The following GPN1 variants were observed in gnomAD, a reference collection of about 807,000 sequenced individuals.
The protein encoded by GPN1 is ATP(GTP)-binding protein.
Under a neutral mutation model 55.9 loss-of-function variants are expected in GPN1, and 44 were observed. The ratio of observed to expected loss-of-function variants is 0.79; its 90% CI spans 0.62 to 1.01. GPN1 has a LOEUF of 1.01. GPN1 is among the 50% of genes least tolerant of loss of function. The pLI is 0.00. For synonymous variants in GPN1, 179 were observed against 162.5 expected (o/e 1.10, Z -0.77); for missense variants, 466 against 462.8 (o/e 1.01, Z -0.06).
chr2:27,648,857 G>A (rs942542605), intron 13 of GPN1, among the ~76,000 whole-genome samples: 2 of 151,676 alleles, frequency 1.3e-5, no homozygotes, highest in Non-Finnish European at 2.9e-5. Flanking sequence ...GGCTGGTCTC[G>A]AACTCCTGGC....
intron 1 of GPN1, chr2:27,629,520 C>A: frequency 3.3e-6 from 3 of 918,398 alleles, no homozygotes; most frequent in East Asian, 2.6e-5. Context: ...ATATTTCTTG[C>A]ACGCCTGTCA....
chr2:27,644,083 G>GA (rs1238481662), intron 12 of GPN1, among the ~76,000 whole-genome samples: 1 of 152,132 alleles, frequency 6.6e-6, no homozygotes, highest in Non-Finnish European at 1.5e-5. Context: ...GCTGAGGCTG[G>GA]AGAGTCTCTT....
At chr2:27,644,384 C>T (rs899122222) in intron 12 of GPN1, among the ~76,000 whole-genome samples, 1 of 152,098 alleles carries the variant, frequency 6.6e-6, no homozygotes, top group Non-Finnish European at 1.5e-5. Flanking sequence ...TTCTCCCTAT[C>T]AGTTATCCTT....
At chr2:27,634,468 C>A (rs776713691) in intron 5 of GPN1, among the ~76,000 whole-genome samples, 1 of 152,230 alleles carries the variant, frequency 6.6e-6, no homozygotes, top group Non-Finnish European at 1.5e-5. Flanking sequence ...TCAGCTAGCA[C>A]TTTCCCATTC....
Position 27,650,374 on chromosome 2 carries a change from A to C in GPN1, c.*174A>C, listed in dbSNP as rs147238088. ...ACTCAGATGAAGTCAGGGATAGAAG[A>C]CCCTTGGACCTGGCAGGTTAATGCT... On this transcript the variant is annotated 3_prime_UTR_variant, in exon 14 of 14. Transcript: ENST00000610189. 31 of 476,248 alleles carry C rather than the reference A, an allele frequency of 6.5e-5. No homozygotes were observed. In the East Asian group the frequency reaches 9.9e-4, roughly 15 times the overall value. The allele number at this position is 476,248 out of a possible 1,614,324, so 29.5% of individuals were successfully genotyped here. A position where few individuals can be genotyped will look rare whatever the true frequency, so the allele number is the denominator to read the frequency against.
chr2:27,633,512 A>G (rs961580086), intron 5 of GPN1, among the ~76,000 whole-genome samples: 9 of 151,942 alleles, frequency 5.9e-5, no homozygotes, highest in Non-Finnish European at 7.4e-5. Context: ...GTCTCGCTCT[A>G]TTGCCTAGGC....
rs1193244993 is a variant in GPN1 at position 27,643,098 on chromosome 2, G to A, written c.931+579G>A. 2.0e-5 allele frequency among the ~76,000 whole-genome samples: 3 copies of A among 150,158 alleles called. No homozygotes were observed. The highest frequency in any genetic ancestry group is 4.4e-5 in the Non-Finnish European group (3 of 67,596). ...TGGGTTCCTCTTTCAGGAAGTTTTT[G>A]CTTTACTTTGGCAATATACTTGATG... is the stretch of plus-strand genomic sequence containing the variant. On this transcript the variant is annotated intron_variant, in intron 12 of 13. Coordinates refer to ENST00000610189, the MANE Select transcript of GPN1 (RefSeq NM_007266.4). The surrounding 1 kb of genome is among the most constrained non-coding windows in gnomAD (Gnocchi z 4.0).
intron 7 of GPN1, among the ~76,000 whole-genome samples, chr2:27,636,933 G>A (rs886090419): frequency 2.6e-5 from 4 of 151,920 alleles, no homozygotes; most frequent in Non-Finnish European, 5.9e-5. Context: ...TCCTCCCAGC[G>A]TGGCCTCCCA....
intron 3 of GPN1, chr2:27,631,362 T>G: frequency 2.1e-6 from 1 of 473,594 alleles, no homozygotes; most frequent in Non-Finnish European, 3.8e-6. Context: ...CATCTGTTGG[T>G]CACCACCTCT....
At chr2:27,639,152 C>A in intron 9 of GPN1, 121 bp downstream of exon 9, 1 of 753,692 alleles carries the variant, frequency 1.3e-6, no homozygotes, top group Non-Finnish European at 2.2e-6. Flanking sequence ...ACTTTTAAAG[C>A]ATTGCTTATT....
intron 8 of GPN1, among the ~76,000 whole-genome samples, chr2:27,638,510 A>C (rs1363963611): frequency 1.3e-5 from 2 of 152,206 alleles, no homozygotes; most frequent in Non-Finnish European, 2.9e-5. Flanking sequence ...CTCAGAGTCA[A>C]GATTGTGTAA....
chr2:27,647,116 GC>G (rs979455165), intron 12 of GPN1, among the ~76,000 whole-genome samples: 18 of 152,102 alleles, frequency 1.2e-4, no homozygotes, highest in Admixed American at 1.2e-3. Context: ...CCTTTTTCAG[GC>G]CCACAGGCCC....
In GPN1 at chr2:27,643,529, T is replaced by C. The variant is rs990613542; in HGVS notation, c.931+1010T>C. ...TAATACTATAATATTAGCTAACATA[T>C]AGATCTTATTCAGATGTAGCCATTT... On this transcript the variant is annotated intron_variant, in intron 12 of 13. Transcript: ENST00000610189. This position sits in a 1 kb window ranked among gnomAD's most constrained non-coding sequence, Gnocchi z 4.0. Among the ~76,000 whole-genome samples, 4 of 152,186 alleles carry C rather than the reference T, an allele frequency of 2.6e-5. No individual in the cohort carries two copies. Among genetic ancestry groups the C allele is most frequent in the African/African-American group, 7.2e-5 (3 of 41,440 alleles).
At chr2:27,635,298 C>CACTTTTTT in intron 7 of GPN1, 64 bp downstream of exon 7, 9 of 445,274 alleles carry the variant, frequency 2.0e-5, no homozygotes, top group Admixed American at 5.7e-5. Context: ...CTTCTTCTTC[C>CACTTTTTT]TCTTTTTTTT....
rs201321744 is a variant in GPN1, at chr2:27,648,729, G to A, written c.1039+786G>A. ...CAGCTGACTGCAACCGCTGCCTCCC[G>A]GGTTCAAGTGATTCTCCCACTTCAG... is the stretch of plus-strand genomic sequence containing the variant. On this transcript the variant is annotated intron_variant, in intron 13 of 13. Coordinates refer to ENST00000610189, the MANE Select transcript of GPN1 (RefSeq NM_007266.4). Among the ~76,000 whole-genome samples the A allele has an allele frequency of 2.0e-4, 31 of 152,194 alleles. No individual in the cohort carries two copies. In the East Asian group the frequency reaches 5.4e-3, roughly 27 times the overall value.
chr2:27,629,391 C>T, intron 1 of GPN1: 1 of 1,551,206 alleles, frequency 6.4e-7, no homozygotes, highest in Non-Finnish European at 8.7e-7. Flanking sequence ...CTCGGTCCAG[C>T]TTACCACGTT....
Position 27,641,732 on chromosome 2 carries a change from A to T in GPN1, c.840+453A>T, listed in dbSNP as rs566182788. Among the ~76,000 whole-genome samples, 49 of 152,156 alleles carry T rather than the reference A, an allele frequency of 3.2e-4. 1 individual carries two copies. The highest frequency in any genetic ancestry group is 1.6e-4 in the Non-Finnish European group (11 of 68,034). Reference sequence around the variant, plus strand: ...TCTCAGCCACCCGAGTAGCTAGGACAACATGTATGTACCACATGCCTGGCT... The same window carrying T: ...TCTCAGCCACCCGAGTAGCTAGGACTACATGTATGTACCACATGCCTGGCT... On this transcript the variant is annotated intron_variant, in intron 11 of 13. Transcript: ENST00000610189.
chr2:27,635,199 A>G lies in GPN1; in HGVS notation c.489A>G (p.Pro163=). 6.2e-7 allele frequency: 1 copy of G among 1,601,054 alleles called. No individual in the cohort carries two copies. The highest frequency in any genetic ancestry group is 8.6e-7 in the Non-Finnish European group (1 of 1,168,732). Residue 163 remains proline (P), a synonymous_variant, in exon 7 of 14, where the codon CCA becomes CCG. Coordinates refer to ENST00000610189, the MANE Select transcript of GPN1 (RefSeq NM_007266.4). The part of the protein sequence containing the change: ...YVMDTSRSTN[P]VTFMSNMLYA... Reference sequence around the variant, plus strand: ...TGGACACATCGAGAAGTACCAACCCAGTGACCTTCATGTCCAACATGCTCT... The same window carrying G: ...TGGACACATCGAGAAGTACCAACCCGGTGACCTTCATGTCCAACATGCTCT...
intron 10 of GPN1, 38 bp downstream of exon 10, chr2:27,640,163 A>G (rs749939329): frequency 7.9e-7 from 1 of 1,264,334 alleles, no homozygotes; most frequent in South Asian, 1.2e-5. Flanking sequence ...GACATTCTTA[A>G]TAACCTACAA....
Sources: gnomAD v4.1 joint callset for allele counts (sites outside exome capture counted in the v4.1 genomes callset) on GRCh38, gnomAD v4.1.1 for gene constraint, Gnocchi (gnomAD v3.1) non-coding constraint, MANE v1.5 for transcripts, NCBI Gene and HGNC (gene_info 2026-07-23, HGNC 2026-07-21) for gene names.